Variants in MINDY4 observed in about 807,000 individuals in gnomAD.
MINDY4 encodes probable ubiquitin carboxyl-terminal hydrolase MINDY-4.
Under a neutral mutation model 87.0 loss-of-function variants are expected in MINDY4, and 68 were observed. The observed-to-expected ratio is 0.78, with a 90% CI of 0.64 to 0.96. The LOEUF is 0.96. Ranked by LOEUF, MINDY4 falls within the 40% of genes least tolerant of loss-of-function variation. The probability of loss-of-function intolerance (pLI) is 0.00; values close to 1 mark genes in which losing one functional copy is unlikely to be tolerated. For missense variants in MINDY4, 919 were observed against 928.2 expected (o/e 0.99, Z 0.13); for synonymous variants, 379 against 363.2 (o/e 1.04, Z -0.50).
rs770851252 is a variant in MINDY4, at chr7:30,782,089, C to G, written c.296C>G (p.Ser99Ter). Residue 99 changes from serine to a stop codon, truncating the protein, a stop_gained, in exon 3 of 18, where the codon TCA (serine) becomes TGA (stop). Coordinates refer to ENST00000265299, the MANE Select transcript of MINDY4 (RefSeq NM_032222.3). LOFTEE classifies it high-confidence loss of function. ...CAAGATACCCCAATCCCTGCACTCTCAGTTCCAAAGAAAAATAACAAAGTG... is the reference window on the plus strand; with the variant it reads ...CAAGATACCCCAATCCCTGCACTCTGAGTTCCAAAGAAAAATAACAAAGTG... ...FTQDTPIPAL[S>*]VPKKNNKVPS... is the part of the protein sequence containing the mutation. 1.9e-6 allele frequency: 3 copies of G among 1,614,078 alleles called. No individual in the cohort carries two copies. The highest frequency in any genetic ancestry group is 2.5e-6 in the Non-Finnish European group (3 of 1,179,992).
chr7:30,884,264 C>T (rs879422977), intron 17 of MINDY4, among the ~76,000 whole-genome samples: 2 of 152,126 alleles, frequency 1.3e-5, no homozygotes, highest in African/African-American at 4.8e-5. Context: ...GGAGGAGCGC[C>T]GAGACATCCT....
At chr7:30,878,406 C>A (rs1188302944) in intron 15 of MINDY4, among the ~76,000 whole-genome samples, 1 of 152,142 alleles carries the variant, frequency 6.6e-6, no homozygotes, top group African/African-American at 2.4e-5. Context: ...GAGAAACTCA[C>A]CCCCTGCCAT....
intron 1 of MINDY4, among the ~76,000 whole-genome samples, chr7:30,775,611 G>A (rs181018929): frequency 1.3e-3 from 198 of 152,324 alleles, no homozygotes; most frequent in African/African-American, 4.5e-3. Context: ...CCCTCTCTGG[G>A]AGATTGGGAG....
chr7:30,839,605 C>T (rs547130975), intron 8 of MINDY4, among the ~76,000 whole-genome samples: 1 of 152,212 alleles, frequency 6.6e-6, no homozygotes, highest in African/African-American at 2.4e-5. Flanking sequence ...GGAGAGAGAG[C>T]AGTAGGAGGC....
intron 5 of MINDY4, among the ~76,000 whole-genome samples, chr7:30,812,621 C>T (rs539016827): frequency 1.1e-4 from 16 of 152,302 alleles, no homozygotes; most frequent in African/African-American, 3.9e-4. Flanking sequence ...GTTACATGGG[C>T]ATCCGCAAGC....
chr7:30,880,309 C>T (rs867444758), intron 15 of MINDY4, among the ~76,000 whole-genome samples: 1 of 148,734 alleles, frequency 6.7e-6, no homozygotes, highest in Non-Finnish European at 1.5e-5. Flanking sequence ...CGCACCCCCC[C>T]CCACCCCCGA....
At chr7:30,801,386 G>T (rs57177267) in intron 5 of MINDY4, among the ~76,000 whole-genome samples, 12,688 of 152,146 alleles carry the variant, frequency 0.083, 862 homozygotes, top group African/African-American at 0.17. Flanking sequence ...TGTGTGGATA[G>T]TGGCCTGCTT....
chr7:30,882,933 C>G lies in MINDY4; in HGVS notation c.2165C>G (p.Thr722Ser), dbSNP rs907045996. ...QIRLTIDTTQ[T>S]ISEDTDNDLV... ...TCCTCCTTCCCAGACACCACCCAAACCATCTCTGAGGACACAGACAACGAC... is the reference window on the plus strand; with the variant it reads ...TCCTCCTTCCCAGACACCACCCAAAGCATCTCTGAGGACACAGACAACGAC... Residue 722 changes from threonine to serine, a missense_variant, in exon 17 of 18, where the codon ACC becomes AGC. Physicochemically the swap from Thr to Ser is moderately conservative, Grantham distance 58 (BLOSUM62 1). Transcript: ENST00000265299. 2.4e-5 allele frequency: 38 copies of G among 1,613,876 alleles called. No homozygotes were observed. Among genetic ancestry groups the G allele is most frequent in the Non-Finnish European group, 2.7e-5 (32 of 1,179,962 alleles).
intron 13 of MINDY4, among the ~76,000 whole-genome samples, chr7:30,871,388 G>A (rs1790102428): frequency 6.6e-6 from 1 of 152,212 alleles, no homozygotes; most frequent in Non-Finnish European, 1.5e-5. Flanking sequence ...CTCAGAGGGA[G>A]TTACATTGGG....
At chr7:30,775,527 G>A (rs1179554621) in intron 1 of MINDY4, among the ~76,000 whole-genome samples, 2 of 152,178 alleles carry the variant, frequency 1.3e-5, no homozygotes, top group Non-Finnish European at 2.9e-5. Context: ...GAGATTTTGT[G>A]TCAATTCTGC....
chr7:30,793,367 C>G, intron 5 of MINDY4, among the ~76,000 whole-genome samples: 1 of 148,968 alleles, frequency 6.7e-6, no homozygotes, highest in East Asian at 1.9e-4. Context: ...TTTTTTTTAG[C>G]AGGTATGTTA....
intron 15 of MINDY4, among the ~76,000 whole-genome samples, chr7:30,878,348 A>T (rs1367167188): frequency 6.6e-6 from 1 of 152,096 alleles, no homozygotes; most frequent in Non-Finnish European, 1.5e-5. Context: ...TACCCAGATG[A>T]CCCATACTCA....
chr7:30,798,628 C>G (rs1463461172), intron 5 of MINDY4, among the ~76,000 whole-genome samples: 1 of 152,188 alleles, frequency 6.6e-6, no homozygotes, highest in Non-Finnish European at 1.5e-5. Flanking sequence ...TCCCGAGTAG[C>G]TGGGACTGCA....
intron 14 of MINDY4, among the ~76,000 whole-genome samples, chr7:30,873,103 G>T (rs374313415): frequency 6.6e-6 from 1 of 152,210 alleles, no homozygotes; most frequent in Non-Finnish European, 1.5e-5. Flanking sequence ...GGAAACCTAC[G>T]TGGGCACCAT....
rs1790360817 is a variant in MINDY4 at position 30,878,578 on chromosome 7, A to C, written c.1971+2922A>C. ...AGGGGTGGACTGCATTCTAGGCTGC[A>C]GTTGGAGGCCAAGCCCCTCCAGGCT... On this transcript the variant is annotated intron_variant, in intron 15 of 17. Transcript: ENST00000265299. Among the ~76,000 whole-genome samples the C allele has an allele frequency of 2.6e-5, 4 of 152,296 alleles. 1 individual carries two copies. In the South Asian group the frequency reaches 8.3e-4, roughly 32 times the overall value.
At chr7:30,875,406 C>A in intron 14 of MINDY4, 89 bp from the exon 15 acceptor site, 1 of 1,423,380 alleles carries the variant, frequency 7.0e-7, no homozygotes, top group Non-Finnish European at 9.9e-7. Context: ...CTTCCTTCTC[C>A]ACCCTTTTTG....
In MINDY4 at chr7:30,771,448, G is replaced by A. The variant is rs750649675; in HGVS notation, c.-46G>A. The stretch of plus-strand genomic sequence containing the variant: ...CGCCGGACAGACCCAGTTGCCTGGT[G>A]CTGCGGCCCGGCGTGGGCCTCGTGG... On this transcript the variant is annotated 5_prime_UTR_variant, in exon 1 of 18. Coordinates refer to ENST00000265299, the MANE Select transcript of MINDY4 (RefSeq NM_032222.3). The A allele has an allele frequency of 6.3e-7, 1 of 1,579,264 alleles. No individual in the cohort carries two copies. Among genetic ancestry groups the A allele is most frequent in the Non-Finnish European group, 8.6e-7 (1 of 1,163,554 alleles).
intron 5 of MINDY4, among the ~76,000 whole-genome samples, chr7:30,794,620 T>C: frequency 6.6e-6 from 1 of 152,210 alleles, no homozygotes; most frequent in East Asian, 1.9e-4. Context: ...CTCCGGGAGC[T>C]GAAGGGACTA....
At chr7:30,778,730 A>C (rs1217793497) in intron 2 of MINDY4, among the ~76,000 whole-genome samples, 179 bp downstream of exon 2, 1 of 152,154 alleles carries the variant, frequency 6.6e-6, no homozygotes, top group African/African-American at 2.4e-5. Flanking sequence ...TGGGTTTTCC[A>C]TCTCGGTCAG....
Sources: allele counts gnomAD v4.1 joint callset (sites outside exome capture counted in the v4.1 genomes callset), GRCh38; gene constraint gnomAD v4.1.1; transcripts MANE v1.5; gene names NCBI Gene and HGNC (gene_info 2026-07-23, HGNC 2026-07-21).